Variants in LRRC4C observed in about 807,000 individuals in gnomAD.
The protein encoded by LRRC4C is leucine-rich repeat-containing protein 4C.
In LRRC4C, 5 loss-of-function variants were observed where a neutral mutation model predicts 33.6. The observed-to-expected ratio is 0.15, with a 90% CI of 0.08 to 0.31. The LOEUF (loss-of-function observed/expected upper bound fraction) is 0.31, where lower values mean the gene tolerates loss of function less well. LRRC4C is among the 10% of genes least tolerant of loss of function. The probability of loss-of-function intolerance (pLI) is 1.00; values close to 1 mark genes in which losing one functional copy is unlikely to be tolerated. For synonymous variants in LRRC4C, 329 were observed against 302.0 expected (o/e 1.09, Z -0.93); for missense variants, 560 against 796.7 (o/e 0.70, Z 3.58).
intron 3 of LRRC4C, among the ~76,000 whole-genome samples, chr11:40,632,825 T>C (rs1465228396): frequency 6.6e-6 from 1 of 152,172 alleles, no homozygotes; most frequent in Non-Finnish European, 1.5e-5. Flanking sequence ...CTGGAGGGTC[T>C]GAGCAATGAA....
At chr11:40,557,939 GT>G (rs1666160228) in intron 3 of LRRC4C, among the ~76,000 whole-genome samples, 1 of 152,094 alleles carries the variant, frequency 6.6e-6, no homozygotes, top group Admixed American at 6.6e-5. Flanking sequence ...TTAAATTAAT[GT>G]TTTTAAGGTT....
chr11:41,141,660 G>A (rs951381992), intron 1 of LRRC4C, among the ~76,000 whole-genome samples: 4 of 152,012 alleles, frequency 2.6e-5, no homozygotes, highest in Non-Finnish European at 5.9e-5. Context: ...ATAAGCATCT[G>A]GCATTTCCCC....
chr11:40,243,854 ATTT>A (rs60367465), intron 4 of LRRC4C, among the ~76,000 whole-genome samples: 2 of 127,394 alleles, frequency 1.6e-5, no homozygotes, highest in Non-Finnish European at 1.7e-5. Context: ...ACACCTGGGT[ATTT>A]TTTTTTTTTT....
chr11:40,430,114 T>G (rs954044930), intron 3 of LRRC4C, among the ~76,000 whole-genome samples: 6 of 152,186 alleles, frequency 3.9e-5, no homozygotes, highest in African/African-American at 1.4e-4. Flanking sequence ...ATTCCAGCTG[T>G]GCTTTTATTG....
chr11:40,256,035 C>T (rs1323166155), intron 4 of LRRC4C, among the ~76,000 whole-genome samples: 3 of 151,192 alleles, frequency 2.0e-5, no homozygotes, highest in Non-Finnish European at 4.4e-5. Flanking sequence ...CCTATTATGA[C>T]CATCAGTTGA....
At chr11:40,492,346 C>T (rs1286361107) in intron 3 of LRRC4C, among the ~76,000 whole-genome samples, 1 of 152,182 alleles carries the variant, frequency 6.6e-6, no homozygotes, top group Admixed American at 6.6e-5. Flanking sequence ...CACAGATATA[C>T]AAATTATGAA....
intron 2 of LRRC4C, among the ~76,000 whole-genome samples, chr11:40,706,112 C>T (rs991884070): frequency 6.6e-6 from 1 of 151,954 alleles, no homozygotes; most frequent in African/African-American, 2.4e-5. Context: ...GATATTAGCC[C>T]TTTGTCAGAT....
intron 2 of LRRC4C, among the ~76,000 whole-genome samples, chr11:40,911,758 A>C (rs1371207292): frequency 6.6e-6 from 1 of 152,190 alleles, no homozygotes; most frequent in Non-Finnish European, 1.5e-5. Flanking sequence ...GAGCTAAAGG[A>C]GGAAGTTCGA....
chr11:40,917,981 A>T (rs990513031), intron 2 of LRRC4C, among the ~76,000 whole-genome samples: 1 of 152,150 alleles, frequency 6.6e-6, no homozygotes, highest in Non-Finnish European at 1.5e-5. Flanking sequence ...CATAGCAGCA[A>T]GGTATTATGC....
intron 1 of LRRC4C, among the ~76,000 whole-genome samples, chr11:41,436,430 C>T (rs1274685731): frequency 6.6e-6 from 1 of 152,130 alleles, no homozygotes; most frequent in Non-Finnish European, 1.5e-5. Flanking sequence ...GACAGGCATT[C>T]AGTACAAAAC....
chr11:41,303,959 G>A (rs1301620970), intron 1 of LRRC4C, among the ~76,000 whole-genome samples: 1,869 of 91,942 alleles, frequency 0.02, 71 homozygotes, highest in African/African-American at 0.061. Flanking sequence ...AGTGAGGAGC[G>A]TCTCCGCCCG....
intron 3 of LRRC4C, among the ~76,000 whole-genome samples, chr11:40,464,253 G>GA (rs1165609471): frequency 6.6e-6 from 1 of 151,848 alleles, no homozygotes; most frequent in Non-Finnish European, 1.5e-5. Flanking sequence ...AATAGATGAG[G>GA]AAAAAAATTG....
At chr11:40,159,011 G>A in intron 5 of LRRC4C, among the ~76,000 whole-genome samples, 1 of 152,122 alleles carries the variant, frequency 6.6e-6, no homozygotes, top group East Asian at 1.9e-4. Flanking sequence ...AGGATTAAGT[G>A]GGAATTGGAC....
chr11:41,111,762 C>A (rs569502694), intron 1 of LRRC4C, among the ~76,000 whole-genome samples: 1 of 151,926 alleles, frequency 6.6e-6, no homozygotes, highest in African/African-American at 2.4e-5. Flanking sequence ...GTAAAAGTAA[C>A]CTTTCCCTGT....
At chr11:40,438,915 A>T (rs1449151143) in intron 3 of LRRC4C, among the ~76,000 whole-genome samples, 1 of 145,118 alleles carries the variant, frequency 6.9e-6, no homozygotes, top group Non-Finnish European at 1.5e-5. Flanking sequence ...GGGTTAATTT[A>T]TGAATTGCTA....
chr11:40,580,081 G>GTA (rs1958400640), intron 3 of LRRC4C, among the ~76,000 whole-genome samples: 1 of 151,562 alleles, frequency 6.6e-6, no homozygotes, highest in African/African-American at 2.4e-5. Context: ...GTGTGTGTGT[G>GTA]TGTGTGCCTT....
At chr11:40,352,771 T>C (rs543718665) in intron 3 of LRRC4C, among the ~76,000 whole-genome samples, 1 of 148,258 alleles carries the variant, frequency 6.7e-6, no homozygotes, top group African/African-American at 2.4e-5. Context: ...AGTTTTGGTG[T>C]TGATAAAATC....
chr11:41,396,040 T>G (rs1565639114), intron 1 of LRRC4C, among the ~76,000 whole-genome samples: 2 of 151,970 alleles, frequency 1.3e-5, no homozygotes, highest in Admixed American at 6.6e-5. Flanking sequence ...ATTCTGAGAC[T>G]TTTTGCTATT....
chr11:41,258,736 C>T (rs886415970), intron 1 of LRRC4C, among the ~76,000 whole-genome samples: 2 of 151,828 alleles, frequency 1.3e-5, no homozygotes, highest in African/African-American at 4.8e-5. Context: ...AAAACATAGG[C>T]ATTTTTACTA....
Sources: allele counts gnomAD v4.1 joint callset (sites outside exome capture counted in the v4.1 genomes callset), GRCh38; gene constraint gnomAD v4.1.1; transcripts MANE v1.5; gene names NCBI Gene and HGNC (gene_info 2026-07-23, HGNC 2026-07-21).